Variants in POLDIP2 observed in about 807,000 individuals in gnomAD.
POLDIP2 encodes DNA polymerase delta interacting protein 2, also known as polymerase delta-interacting protein 2.
POLDIP2 carries 32 observed loss-of-function variants against 52.9 expected under a neutral mutation model. The ratio of observed to expected loss-of-function variants is 0.61; its 90% CI spans 0.46 to 0.81. The LOEUF is 0.81. Ranked by LOEUF, POLDIP2 falls within the 40% of genes least tolerant of loss-of-function variation. POLDIP2 has a pLI of 0.00. For missense variants in POLDIP2, 371 were observed against 477.3 expected (o/e 0.78, Z 2.07); for synonymous variants, 183 against 183.0 (o/e 1.00, Z 0.00).
intron 1 of POLDIP2, 70 bp downstream of exon 1, chr17:28,357,213 GCCTCC>G: frequency 7.3e-7 from 1 of 1,364,720 alleles, no homozygotes; most frequent in South Asian, 1.4e-5. Context: ...CGGGCCCCTG[GCCTCC>G]GCACTGGCTA....
intron 1 of POLDIP2, among the ~76,000 whole-genome samples, chr17:28,356,467 C>G (rs1414725118): frequency 1.3e-5 from 2 of 152,152 alleles, no homozygotes; most frequent in Non-Finnish European, 2.9e-5. Context: ...TGTCCATCTC[C>G]CCCTCTAACC....
At chr17:28,353,598 T>C in intron 4 of POLDIP2, 97 bp downstream of exon 4, 3 of 811,218 alleles carry the variant, frequency 3.7e-6, no homozygotes, top group South Asian at 1.4e-5. Context: ...AAGACTGACC[T>C]GGGCTCTGTT....
intron 2 of POLDIP2, among the ~76,000 whole-genome samples, chr17:28,355,362 C>A (rs1907973595): frequency 6.6e-6 from 1 of 152,212 alleles, no homozygotes; most frequent in African/African-American, 2.4e-5. Flanking sequence ...AATCCCAGGA[C>A]TTTGGGAGGC....
Position 28,357,368 on chromosome 17 carries a change from T to C in POLDIP2, c.81A>G (p.Pro27=), listed in dbSNP as rs17856014. ...WSRSLTGARW[P]RPLCAAAGAG... is the part of the protein sequence containing the mutation. ...CTCCGGCCGCCGCACAGAGCGGCCT[T>C]GGCCACCGGGCCCCAGTCAGCGACC... is the stretch of plus-strand genomic sequence containing the variant. The change falls in exon 1 of 11, where the codon CCA becomes CCG. Residue 27 remains proline, a synonymous_variant. Coordinates refer to ENST00000540200, the MANE Select transcript of POLDIP2 (RefSeq NM_015584.5). 5.1e-6 allele frequency: 8 copies of C among 1,553,568 alleles called. No individual in the cohort carries two copies. The African/African-American group carries it at 7.1e-5, about 14-fold the overall frequency.
In POLDIP2 at chr17:28,351,767, G is replaced by C; in HGVS notation, c.656C>G (p.Ala219Gly). The C allele has an allele frequency of 1.2e-6, 2 of 1,613,474 alleles. No homozygotes were observed. The highest frequency in any genetic ancestry group is 1.7e-6 in the Non-Finnish European group (2 of 1,179,508). ...CCAGGGGTGATTCTTCTCTTGCCAG[G>C]CCCTTAGCGTCTCCCGAGCCACAAA... is the stretch of plus-strand genomic sequence containing the variant. ...PPFVARETLRAWQEKNHPWLE... is the reference protein window; with the variant it reads ...PPFVARETLRGWQEKNHPWLE... Residue 219 changes from alanine (A) to glycine (G), a missense_variant, in exon 7 of 11, where the codon GCC becomes GGC. Physicochemically the swap from Ala to Gly is moderately conservative, Grantham distance 60 (BLOSUM62 0). Transcript: ENST00000540200.
At position 28,355,861 on chromosome 17, in the gene POLDIP2, G is replaced by A. The variant is rs1908006370; in HGVS notation, c.177C>T (p.Gly59=). The A allele has an allele frequency of 6.2e-7, 1 of 1,612,630 alleles. No homozygotes were observed. The part of the protein sequence containing the change: ...RHLSSRNRPE[G]KVLETVGVFE... ...ACACACCAACTGTCTCCAACACTTT[G>A]CCCTCTGGTCGGTTTCTGAGTAGGA... Residue 59 remains glycine, a synonymous_variant, in exon 2 of 11, where the codon GGC becomes GGT. Coordinates refer to ENST00000540200, the MANE Select transcript of POLDIP2 (RefSeq NM_015584.5).
Position 28,353,762 on chromosome 17 carries a change from T to G in POLDIP2, c.371A>C (p.Lys124Thr). 1 of 1,613,312 alleles carries G rather than the reference T, an allele frequency of 6.2e-7. No individual in the cohort carries two copies. The highest frequency in any genetic ancestry group is 8.5e-7 in the Non-Finnish European group (1 of 1,179,486). Reference sequence around the variant, plus strand: ...AGTGTGAGTTTTGCCTTTCACCTCCTTGGAGCCATGGCCAGCAGGGTTCTC... The same window carrying G: ...AGTGTGAGTTTTGCCTTTCACCTCCGTGGAGCCATGGCCAGCAGGGTTCTC... ...KAENPAGHGS[K>T]EVKGKTHTYY... Residue 124 changes from lysine to threonine, a missense_variant, in exon 4 of 11, where the codon AAG (lysine) becomes ACG (threonine). Lys to Thr is a moderately conservative substitution (Grantham distance 78). Transcript: ENST00000540200.
chr17:28,353,814 CAAG>C (rs1907916391), intron 3 of POLDIP2, 23 bp from the exon 4 acceptor site: 2 of 1,468,500 alleles, frequency 1.4e-6, no homozygotes, highest in Non-Finnish European at 1.9e-6. Flanking sequence ...AGAAGGAGGC[CAAG>C]ATCACCCCAG....
At chr17:28,348,561 A>G (rs1010136328) in intron 10 of POLDIP2, among the ~76,000 whole-genome samples, 11 of 152,096 alleles carry the variant, frequency 7.2e-5, no homozygotes, top group African/African-American at 2.7e-4. Context: ...AAAAATACAA[A>G]ATTAGCCGGG....
chr17:28,355,760 T>C (rs781922009), intron 2 of POLDIP2, 35 bp downstream of exon 2: 1 of 1,525,568 alleles, frequency 6.6e-7, no homozygotes. Flanking sequence ...CAGAGCACTC[T>C]ATGAAAATGA....
intron 7 of POLDIP2, among the ~76,000 whole-genome samples, chr17:28,351,403 C>T (rs1907789460): frequency 6.6e-6 from 1 of 152,168 alleles, no homozygotes; most frequent in Non-Finnish European, 1.5e-5. Flanking sequence ...TCTTCATAAA[C>T]ATGGCTCCCT....
intron 5 of POLDIP2, 108 bp downstream of exon 5, chr17:28,353,133 C>T (rs1907873272): frequency 6.6e-6 from 5 of 751,928 alleles, no homozygotes; most frequent in Admixed American, 5.9e-5. Context: ...GATATCATAC[C>T]TCTCAGCATC....
intron 10 of POLDIP2, 67 bp downstream of exon 10, chr17:28,349,016 A>G: frequency 2.6e-6 from 3 of 1,135,578 alleles, no homozygotes; most frequent in Non-Finnish European, 2.6e-6. Context: ...CTAAGCTCTC[A>G]CTTTTCTGAC....
intron 5 of POLDIP2, 81 bp from the exon 6 acceptor site, chr17:28,353,100 T>A: frequency 4.0e-6 from 3 of 757,336 alleles, no homozygotes; most frequent in Non-Finnish European, 4.8e-6. Context: ...TTAACTGGCC[T>A]TGTTCCAGTA....
chr17:28,353,151 C>G (rs1355917825), intron 5 of POLDIP2, 90 bp downstream of exon 5: 1 of 768,982 alleles, frequency 1.3e-6, no homozygotes. Flanking sequence ...ATCATAATCC[C>G]TCCCAGTGGA....
chr17:28,346,686 T>G lies in POLDIP2; in HGVS notation c.*1431A>C, dbSNP rs908449882. On this transcript the variant is annotated 3_prime_UTR_variant, in exon 11 of 11. Coordinates refer to ENST00000540200, the MANE Select transcript of POLDIP2 (RefSeq NM_015584.5). ...TGACTTAAAAGTTTGGGGGTTTTCTTTGAAAGTTTCCAGCCCTATTCAGAA... is the reference window on the plus strand; with the variant it reads ...TGACTTAAAAGTTTGGGGGTTTTCTGTGAAAGTTTCCAGCCCTATTCAGAA... 9.2e-5 allele frequency: 14 copies of G among 152,230 alleles called. No homozygotes were observed. Among genetic ancestry groups the G allele is most frequent in the African/African-American group, 3.4e-4 (14 of 41,452 alleles). 9.4% of individuals were successfully genotyped at this position (152,230 alleles called of 1,614,324 possible). A position where few individuals can be genotyped will look rare whatever the true frequency, so the allele number is the denominator to read the frequency against.
At position 28,354,599 on chromosome 17, in the gene POLDIP2, G is replaced by T; in HGVS notation, c.244-14C>A. 6.5e-7 allele frequency: 1 copy of T among 1,531,578 alleles called. No homozygotes were observed. The allele number at this position is 1,531,578 out of a possible 1,614,324, so 94.9% of individuals were successfully genotyped here. A position where few individuals can be genotyped will look rare whatever the true frequency, so the allele number is the denominator to read the frequency against. On this transcript the variant is annotated splice_polypyrimidine_tract_variant and intron_variant, in intron 2 of 10. Coordinates refer to ENST00000540200, the MANE Select transcript of POLDIP2 (RefSeq NM_015584.5). Reference sequence around the variant, plus strand: ...ATGAAGGAAAAGCTGGAAGGAAAGAGGGGCCTCAGTGAGTCTGCAGTCCAG... The same window carrying T: ...ATGAAGGAAAAGCTGGAAGGAAAGATGGGCCTCAGTGAGTCTGCAGTCCAG...
Position 28,350,927 on chromosome 17 carries a change from G to C in POLDIP2, c.760-135C>G, listed in dbSNP as rs558273927. ...AAGCTGAGAGTATCTGTGGGATAAG[G>C]GTGATAGCTGAACCATGGCCTACAC... On this transcript the variant is annotated intron_variant, in intron 7 of 10. Coordinates refer to ENST00000540200, the MANE Select transcript of POLDIP2 (RefSeq NM_015584.5). The C allele has an allele frequency of 1.0e-5, 8 of 763,952 alleles. No individual in the cohort carries two copies. The African/African-American group carries it at 1.4e-4, about 13-fold the overall frequency. The allele number at this position is 763,952 out of a possible 1,614,324, so 47.3% of individuals were successfully genotyped here.
Position 28,348,049 on chromosome 17 carries a change from G to C in POLDIP2, c.*68C>G. 1 of 887,956 alleles carries C rather than the reference G, an allele frequency of 1.1e-6. No individual in the cohort carries two copies. The highest frequency in any genetic ancestry group is 2.4e-5 in the East Asian group (1 of 40,982). The allele number at this position is 887,956 out of a possible 1,614,324, so 55.0% of individuals were successfully genotyped here. A position where few individuals can be genotyped will look rare whatever the true frequency, so the allele number is the denominator to read the frequency against. ...CCCATGATGGGGAGAGAAGAGTTCT[G>C]CAGCAATTGTGGGATGAGAGTTGTT... On this transcript the variant is annotated 3_prime_UTR_variant, in exon 11 of 11. Transcript: ENST00000540200.
Sources: gnomAD v4.1 joint callset for allele counts (sites outside exome capture counted in the v4.1 genomes callset) on GRCh38, gnomAD v4.1.1 for gene constraint, MANE v1.5 for transcripts, NCBI Gene and HGNC (gene_info 2026-07-23, HGNC 2026-07-21) for gene names.